LYN: variants seen among roughly 807,000 people sequenced by gnomAD.
The protein encoded by LYN is tyrosine-protein kinase Lyn.
LYN carries 12 observed loss-of-function variants against 65.0 expected under a neutral mutation model. That is an observed-to-expected ratio of 0.18 (90% CI 0.12 to 0.30). LYN has a LOEUF of 0.30. LYN is among the 10% of genes least tolerant of loss of function. LYN has a pLI of 1.00. For synonymous variants in LYN, 222 were observed against 221.2 expected, an observed-to-expected ratio of 1.00 and a Z score of -0.03; for missense variants, 380 against 623.2, an observed-to-expected ratio of 0.61 and a Z score of 4.16.
chr8:55,902,760 A>G (rs760246078), intron 1 of LYN: 4 of 513,864 alleles, frequency 7.8e-6, no homozygotes, highest in South Asian at 5.6e-5. Context: ...TGCAATATGC[A>G]TACTGTGATG....
chr8:55,896,631 G>A (rs1805110998), intron 1 of LYN, among the ~76,000 whole-genome samples: 1 of 151,912 alleles, frequency 6.6e-6, no homozygotes, highest in African/African-American at 2.4e-5. Flanking sequence ...TTCGGCACAT[G>A]TATCTTAGAA....
intron 3 of LYN, among the ~76,000 whole-genome samples, chr8:55,946,776 C>T (rs1047339737): frequency 3.9e-5 from 6 of 152,112 alleles, no homozygotes; most frequent in East Asian, 1.9e-4. Context: ...TGGCAACCTC[C>T]GCTCTTTCTG....
chr8:55,999,529 A>G lies in LYN; in HGVS notation c.1316A>G (p.Tyr439Cys), dbSNP rs1808460299. The G allele has an allele frequency of 1.2e-6, 2 of 1,613,768 alleles. No homozygotes were observed. Among genetic ancestry groups the G allele is most frequent in the African/African-American group, 1.3e-5 (1 of 74,924 alleles). Reference protein sequence around the residue: ...FGILLYEIVTYGKIPYPGRTN... With the variant: ...FGILLYEIVTCGKIPYPGRTN... ...ATCCTCCTATACGAAATTGTCACCT[A>G]TGGGAAAATTCCCTACCCAGGTATG... Residue 439 changes from tyrosine (Y) to cysteine (C), a missense_variant, in exon 12 of 13, where the codon TAT (tyrosine) becomes TGT (cysteine). Coordinates refer to ENST00000519728, the MANE Select transcript of LYN (RefSeq NM_002350.4).
At chr8:55,910,928 G>C (rs1385322879) in intron 1 of LYN, among the ~76,000 whole-genome samples, 2 of 139,308 alleles carry the variant, frequency 1.4e-5, no homozygotes, top group Non-Finnish European at 3.1e-5. Flanking sequence ...ACAGAGTCTC[G>C]CTCTGACGCC....
At chr8:55,906,734 AAGAGAGAGAGAGG>A (rs1805434273) in intron 1 of LYN, among the ~76,000 whole-genome samples, 2 of 123,840 alleles carry the variant, frequency 1.6e-5, no homozygotes, top group African/African-American at 3.6e-5. Context: ...AGAAAAAAAA[AAGAGAGAGAGAGG>A]AGAGAGAGAG....
At chr8:55,932,540 G>C (rs567554552) in intron 1 of LYN, among the ~76,000 whole-genome samples, 1 of 152,086 alleles carries the variant, frequency 6.6e-6, no homozygotes, top group African/African-American at 2.4e-5. Context: ...TCCTGCCTCA[G>C]CTCCTGAGTA....
intron 7 of LYN, among the ~76,000 whole-genome samples, chr8:55,952,554 T>C (rs929588112): frequency 6.6e-6 from 1 of 152,172 alleles, no homozygotes; most frequent in Non-Finnish European, 1.5e-5. Context: ...AGCAAGACTC[T>C]GTCTCAAAAA....
chr8:56,003,204 T>G (rs1476658398), intron 12 of LYN, among the ~76,000 whole-genome samples: 3 of 151,396 alleles, frequency 2.0e-5, no homozygotes, highest in Non-Finnish European at 1.5e-5. Flanking sequence ...GGACTACAGG[T>G]GCCCGCCACC....
At chr8:55,913,364 C>T (rs1805695960) in intron 1 of LYN, among the ~76,000 whole-genome samples, 1 of 152,122 alleles carries the variant, frequency 6.6e-6, no homozygotes, top group Admixed American at 6.5e-5. Flanking sequence ...TGCAAATATC[C>T]ACAGCCTCCT....
intron 1 of LYN, among the ~76,000 whole-genome samples, chr8:55,936,579 G>T (rs1235287065): frequency 6.6e-6 from 1 of 152,174 alleles, no homozygotes; most frequent in Non-Finnish European, 1.5e-5. Context: ...GGCAGAGTTT[G>T]CAGTGAGCAG....
intron 1 of LYN, among the ~76,000 whole-genome samples, chr8:55,927,049 T>G (rs1332538116): frequency 1.3e-5 from 2 of 152,240 alleles, no homozygotes; most frequent in Non-Finnish European, 2.9e-5. Flanking sequence ...ATGAACATGT[T>G]ACATTAGTGT....
At chr8:55,980,062 G>A (rs550526792) in intron 10 of LYN, among the ~76,000 whole-genome samples, 17 of 152,306 alleles carry the variant, frequency 1.1e-4, no homozygotes, top group East Asian at 1.9e-4. Context: ...CACAGTCCCC[G>A]GGAGGTGGCC....
chr8:55,960,818 A>G (rs149416427), intron 8 of LYN, among the ~76,000 whole-genome samples: 2 of 152,320 alleles, frequency 1.3e-5, no homozygotes, highest in Non-Finnish European at 2.9e-5. Flanking sequence ...GCAGTGAACA[A>G]ATACTAGGAA....
At chr8:55,944,298 A>G (rs1435764059) in intron 2 of LYN, among the ~76,000 whole-genome samples, 4 of 152,280 alleles carry the variant, frequency 2.6e-5, no homozygotes, top group African/African-American at 9.6e-5. Context: ...ATAAGTATGT[A>G]CAGATATAGA....
rs1808878354 is a variant in LYN, at chr8:56,013,786, A to T, written c.*3676A>T. 6.6e-6 allele frequency: 1 copy of T among 152,256 alleles called. No individual in the cohort carries two copies. 9.4% of individuals were successfully genotyped at this position (152,256 alleles called of 1,614,324 possible). A position where few individuals can be genotyped will look rare whatever the true frequency, so the allele number is the denominator to read the frequency against. ...GCTTCCTCAGCCAAGAACACCTCTC[A>T]GATGAGATCAAACCGCCCAGCTTTC... On this transcript the variant is annotated 3_prime_UTR_variant, in exon 13 of 13. Coordinates refer to ENST00000519728, the MANE Select transcript of LYN (RefSeq NM_002350.4).
At chr8:55,961,206 C>G (rs1807262264) in intron 8 of LYN, among the ~76,000 whole-genome samples, 2 of 152,222 alleles carry the variant, frequency 1.3e-5, no homozygotes, top group African/African-American at 2.4e-5. Flanking sequence ...AAGCCAGTCA[C>G]AGCCGGAATT....
rs146791536 is a variant in LYN at position 56,009,980 on chromosome 8, A to G, written c.1409A>G (p.Asp470Gly). The change falls in exon 13 of 13, where the codon GAT becomes GGT. Residue 470 changes from aspartate to glycine, a missense_variant. By Grantham distance (94) the Asp-to-Gly change is moderately conservative. Transcript: ENST00000519728. ...YRMPRVENCP[D>G]ELYDIMKMCW... ...ATGCCCCGTGTGGAGAACTGCCCAG[A>G]TGAGCTCTATGACATTATGAAAATG... 1 of 1,614,044 alleles carries G rather than the reference A, an allele frequency of 6.2e-7. No individual in the cohort carries two copies. Among genetic ancestry groups the G allele is most frequent in the Admixed American group, 1.7e-5 (1 of 60,014 alleles).
intron 10 of LYN, among the ~76,000 whole-genome samples, chr8:55,997,952 T>C (rs530772341): frequency 8.3e-4 from 126 of 151,998 alleles, no homozygotes; most frequent in East Asian, 4.3e-3. Context: ...GGCATGGTGG[T>C]GGGTGCCTGT....
Position 55,911,244 on chromosome 8 carries a change from T to C in LYN, c.-5-30611T>C, listed in dbSNP as rs1423515314. On this transcript the variant is annotated intron_variant, in intron 1 of 12. Transcript: ENST00000519728. The stretch of plus-strand genomic sequence containing the variant: ...ATATATATACATATACATATATATA[T>C]ACGTGTGTGTGTGTATATATATATA... 3.7e-4 allele frequency among the ~76,000 whole-genome samples: 9 copies of C among 24,308 alleles called. 2 individuals are homozygous for C. The highest frequency in any genetic ancestry group is 7.8e-4 in the African/African-American group (7 of 8,938). 15.9% of individuals were successfully genotyped at this position (24,308 alleles called of 152,430 possible).
Sources: gnomAD v4.1 joint callset for allele counts (sites outside exome capture counted in the v4.1 genomes callset) on GRCh38, gnomAD v4.1.1 for gene constraint, MANE v1.5 for transcripts, NCBI Gene and HGNC (gene_info 2026-07-23, HGNC 2026-07-21) for gene names.